The following CDH7 variants were observed in gnomAD, a reference collection of about 807,000 sequenced individuals.
The protein encoded by CDH7 is cadherin 7.
A neutral mutation model predicts 71.8 loss-of-function variants in CDH7; 25 were observed. The observed-to-expected ratio is 0.35, with a 90% CI of 0.25 to 0.49. CDH7 has a LOEUF of 0.49. CDH7 is among the 20% of genes least tolerant of loss of function. CDH7 has a pLI of 0.99. For missense variants in CDH7, 862 were observed against 974.6 expected (o/e 0.88, Z 1.54); for synonymous variants, 381 against 363.8 (o/e 1.05, Z -0.54).
intron 2 of CDH7, among the ~76,000 whole-genome samples, chr18:65,786,023 G>T (rs952926027): frequency 5.9e-5 from 9 of 152,058 alleles, no homozygotes; most frequent in African/African-American, 1.9e-4. Context: ...TGGTTCCCTA[G>T]GCCCCAAGAT....
In CDH7 at chr18:65,859,758, C is replaced by A. The variant is rs1010808629; in HGVS notation, c.1545C>A (p.His515Gln). The A allele has an allele frequency of 5.6e-6, 9 of 1,612,174 alleles. No individual in the cohort carries two copies. Among genetic ancestry groups the A allele is most frequent in the Non-Finnish European group, 7.6e-6 (9 of 1,178,498 alleles). The change falls in exon 10 of 12, where the codon CAC becomes CAA. Residue 515 changes from histidine to glutamine, a missense_variant. Coordinates refer to ENST00000397968, the MANE Select transcript of CDH7 (RefSeq NM_004361.5). Reference sequence around the variant, plus strand: ...ATAAAGATGAGCCATCCAATGGACACCAGTTTTACTTCAGCTTAACAACGG... The same window carrying A: ...ATAAAGATGAGCCATCCAATGGACAACAGTTTTACTTCAGCTTAACAACGG... ...AVDKDEPSNG[H>Q]QFYFSLTTDA... is the part of the protein sequence containing the mutation.
intron 7 of CDH7, among the ~76,000 whole-genome samples, chr18:65,852,704 A>G (rs1913193877): frequency 6.6e-6 from 1 of 152,136 alleles, no homozygotes; most frequent in African/African-American, 2.4e-5. Flanking sequence ...GAGGCTAGCA[A>G]ATATAGTTTT....
chr18:65,852,735 G>A (rs576437532), intron 7 of CDH7, among the ~76,000 whole-genome samples: 57 of 152,160 alleles, frequency 3.7e-4, no homozygotes, highest in Non-Finnish European at 6.5e-4. Flanking sequence ...ATATGGCTGC[G>A]TCTAATAAAA....
intron 2 of CDH7, among the ~76,000 whole-genome samples, chr18:65,801,001 T>C (rs1352806534): frequency 3.9e-5 from 6 of 152,194 alleles, no homozygotes. Context: ...TTGGTTTTCC[T>C]GCCATATGAT....
At chr18:65,765,738 G>T (rs1021351552) in intron 2 of CDH7, among the ~76,000 whole-genome samples, 1 of 151,904 alleles carries the variant, frequency 6.6e-6, no homozygotes, top group African/African-American at 2.4e-5. Context: ...ACCTTAACTT[G>T]ATCACATAAT....
chr18:65,829,752 A>T (rs1440871652), intron 6 of CDH7, among the ~76,000 whole-genome samples: 1 of 148,206 alleles, frequency 6.7e-6, no homozygotes, highest in African/African-American at 2.5e-5. Flanking sequence ...TACCAGCAAG[A>T]TGCATTTTTT....
intron 4 of CDH7, among the ~76,000 whole-genome samples, chr18:65,817,008 G>A (rs1398427899): frequency 1.3e-5 from 2 of 152,178 alleles, no homozygotes; most frequent in Middle Eastern, 3.4e-3. Flanking sequence ...TACCTAATTC[G>A]TAGCTTAAAC....
At chr18:65,798,906 C>T (rs994830659) in intron 2 of CDH7, among the ~76,000 whole-genome samples, 23 of 152,078 alleles carry the variant, frequency 1.5e-4, no homozygotes, top group Non-Finnish European at 1.0e-4. Context: ...GCTTTCGTGA[C>T]GTGCCCTAGA....
intron 2 of CDH7, among the ~76,000 whole-genome samples, chr18:65,782,142 CT>C: frequency 1.1e-5 from 1 of 94,730 alleles, no homozygotes; most frequent in Non-Finnish European, 1.9e-5. Context: ...TTCTTTCTTT[CT>C]TTCTTTCTTT....
Position 65,773,103 on chromosome 18 carries a change from G to A in CDH7, c.210+10051G>A, listed in dbSNP as rs182733976. Among the ~76,000 whole-genome samples, 4 of 152,206 alleles carry A rather than the reference G, an allele frequency of 2.6e-5. No homozygotes were observed. In the East Asian group the frequency reaches 7.7e-4, roughly 29 times the overall value. ...GTGCTCAACCAGAGCTAAGGCATGT[G>A]TGTAAGGAGTAGAAAGTTTAAGGAG... On this transcript the variant is annotated intron_variant, in intron 2 of 11. Coordinates refer to ENST00000397968, the MANE Select transcript of CDH7 (RefSeq NM_004361.5).
At chr18:65,797,139 A>G (rs1433220689) in intron 2 of CDH7, among the ~76,000 whole-genome samples, 1 of 152,132 alleles carries the variant, frequency 6.6e-6, no homozygotes, top group African/African-American at 2.4e-5. Flanking sequence ...ATGCAAAAAC[A>G]AAAACAACAA....
chr18:65,822,464 A>G (rs1044251247), intron 5 of CDH7, among the ~76,000 whole-genome samples: 5 of 152,122 alleles, frequency 3.3e-5, no homozygotes, highest in Non-Finnish European at 7.4e-5. Context: ...TATTTGCATT[A>G]CTTCTATCTT....
intron 5 of CDH7, among the ~76,000 whole-genome samples, chr18:65,822,758 G>A (rs1255620803): frequency 1.3e-5 from 2 of 151,532 alleles, no homozygotes; most frequent in Non-Finnish European, 1.5e-5. Flanking sequence ...GTTCCCCCAC[G>A]TCTTTCTTGT....
intron 11 of CDH7, among the ~76,000 whole-genome samples, chr18:65,864,591 A>T (rs2144042512): frequency 6.6e-6 from 1 of 152,100 alleles, no homozygotes; most frequent in South Asian, 2.1e-4. Flanking sequence ...TAGAAGATTT[A>T]AAAATTACAT....
In CDH7 at chr18:65,844,088, T is replaced by G. The variant is rs756623683; in HGVS notation, c.1235+23T>G. On this transcript the variant is annotated intron_variant, in intron 7 of 11. Coordinates refer to ENST00000397968, the MANE Select transcript of CDH7 (RefSeq NM_004361.5). ...GAGGTAAAAACTCATTGTTGTCCTT[T>G]TCTATGGTTTTACAAACAATGCATT... The G allele has an allele frequency of 4.4e-6, 7 of 1,605,060 alleles. No homozygotes were observed. The Admixed American group carries it at 1.2e-4, about 27-fold the overall frequency.
At chr18:65,834,684 G>A (rs1462337084) in intron 6 of CDH7, among the ~76,000 whole-genome samples, 1 of 152,168 alleles carries the variant, frequency 6.6e-6, no homozygotes, top group African/African-American at 2.4e-5. Context: ...TAGTAATGAT[G>A]GGACATAACA....
At position 65,787,037 on chromosome 18, in the gene CDH7, C is replaced by G. The variant is rs528379631; in HGVS notation, c.211-22667C>G. ...AATGAAAACTTTTTTTTTTCCCTGACACAAGACTGTCACATATTTATATGT... is the reference window on the plus strand; with the variant it reads ...AATGAAAACTTTTTTTTTTCCCTGAGACAAGACTGTCACATATTTATATGT... On this transcript the variant is annotated intron_variant, in intron 2 of 11. Coordinates refer to ENST00000397968, the MANE Select transcript of CDH7 (RefSeq NM_004361.5). Among the ~76,000 whole-genome samples the G allele has an allele frequency of 1.9e-4, 29 of 151,928 alleles. No homozygotes were observed. In the Middle Eastern group the frequency reaches 0.01, roughly 53 times the overall value.
At chr18:65,755,069 G>T (rs1915994474) in intron 1 of CDH7, among the ~76,000 whole-genome samples, 1 of 152,042 alleles carries the variant, frequency 6.6e-6, no homozygotes, top group Admixed American at 6.6e-5. Flanking sequence ...AAAACTTATG[G>T]TCGTATAAAA....
chr18:65,753,795 C>T (rs1384914825), intron 1 of CDH7, among the ~76,000 whole-genome samples: 1 of 152,204 alleles, frequency 6.6e-6, no homozygotes. Flanking sequence ...GCAAGCACTT[C>T]CCCCTTGTTT....
Sources: allele counts gnomAD v4.1 joint callset (sites outside exome capture counted in the v4.1 genomes callset), GRCh38; gene constraint gnomAD v4.1.1; transcripts MANE v1.5; gene names NCBI Gene and HGNC (gene_info 2026-07-23, HGNC 2026-07-21).